Variants in ATP9B observed in about 807,000 individuals in gnomAD.
ATP9B encodes ATPase phospholipid transporting 9B.
A neutral mutation model predicts 146.1 loss-of-function variants in ATP9B; 110 were observed. That is an observed-to-expected ratio of 0.75 (90% CI 0.65 to 0.88). The LOEUF (loss-of-function observed/expected upper bound fraction) is 0.88. ATP9B is among the 40% of genes least tolerant of loss of function. The probability of loss-of-function intolerance (pLI) is 0.00; values close to 1 mark genes in which losing one functional copy is unlikely to be tolerated. For missense variants in ATP9B, 1,499 were observed against 1,496.4 expected, an observed-to-expected ratio of 1.00 and a Z score of -0.03; for synonymous variants, 604 against 569.7, an observed-to-expected ratio of 1.06 and a Z score of -0.86.
intron 1 of ATP9B, among the ~76,000 whole-genome samples, chr18:79,082,227 T>C (rs111961193): frequency 0.13 from 20,160 of 152,218 alleles, 1,944 homozygotes; most frequent in African/African-American, 0.27. Context: ...TTCATGAAGT[T>C]CTTGTGCTGT....
At chr18:79,205,118 C>G (rs1308450809) in intron 9 of ATP9B, among the ~76,000 whole-genome samples, 1 of 152,166 alleles carries the variant, frequency 6.6e-6, no homozygotes, top group Non-Finnish European at 1.5e-5. Context: ...CAGGACACTT[C>G]CTAACTACTG....
chr18:79,335,398 G>T (rs184532985), intron 17 of ATP9B, among the ~76,000 whole-genome samples: 1 of 152,302 alleles, frequency 6.6e-6, no homozygotes, highest in East Asian at 1.9e-4. Context: ...TTGTCCCAGA[G>T]AGCCTGTTTC....
At chr18:79,148,951 A>G (rs2094637550) in intron 6 of ATP9B, among the ~76,000 whole-genome samples, 1 of 152,218 alleles carries the variant, frequency 6.6e-6, no homozygotes, top group Non-Finnish European at 1.5e-5. Flanking sequence ...TTAAAAATGC[A>G]GTACTCTTAC....
intron 1 of ATP9B, among the ~76,000 whole-genome samples, chr18:79,084,164 T>C (rs1380694803): frequency 6.6e-6 from 1 of 151,940 alleles, no homozygotes; most frequent in African/African-American, 2.4e-5. Context: ...GCTCAGTTTT[T>C]TTTTTTGGAA....
chr18:79,344,021 C>G (rs910105618), intron 20 of ATP9B: 1 of 561,050 alleles, frequency 1.8e-6, no homozygotes, highest in Admixed American at 3.2e-5. Flanking sequence ...CCTCACTATA[C>G]GTTTCCTGCT....
chr18:79,110,804 GTAAA>G (rs1370917635), intron 3 of ATP9B, among the ~76,000 whole-genome samples: 1 of 152,150 alleles, frequency 6.6e-6, no homozygotes, highest in African/African-American at 2.4e-5. Flanking sequence ...TGAAGTAAAA[GTAAA>G]TAAAATTAAC....
In ATP9B at chr18:79,330,118, T is replaced by G; in HGVS notation, c.2028+14T>G. On this transcript the variant is annotated intron_variant, in intron 17 of 29. Transcript: ENST00000426216. Reference sequence around the variant, plus strand: ...CTGGAAGAGGAGGTATGTGAGTGACTCTAGCGTGGTTCACAGTGTTTCTAT... The same window carrying G: ...CTGGAAGAGGAGGTATGTGAGTGACGCTAGCGTGGTTCACAGTGTTTCTAT... The G allele has an allele frequency of 1.2e-6, 2 of 1,609,018 alleles. No individual in the cohort carries two copies. Among genetic ancestry groups the G allele is most frequent in the Non-Finnish European group, 1.7e-6 (2 of 1,175,522 alleles).
chr18:79,181,603 T>G (rs949459373), intron 8 of ATP9B, among the ~76,000 whole-genome samples: 19 of 152,180 alleles, frequency 1.2e-4, no homozygotes, highest in Non-Finnish European at 2.5e-4. Context: ...TCTCAGCCTT[T>G]TTTTTCCTTC....
chr18:79,329,929 T>G, intron 16 of ATP9B, 83 bp from the exon 17 acceptor site: 3 of 1,253,652 alleles, frequency 2.4e-6, no homozygotes, highest in Non-Finnish European at 3.5e-6. Flanking sequence ...GCTTTTTCCA[T>G]TGTATGTTTT....
At chr18:79,243,184 G>A (rs2095905907) in intron 11 of ATP9B, among the ~76,000 whole-genome samples, 1 of 152,192 alleles carries the variant, frequency 6.6e-6, no homozygotes, top group Non-Finnish European at 1.5e-5. Context: ...GCAGATGTGT[G>A]GGCGGAACAG....
chr18:79,156,005 A>G (rs1599988333), intron 7 of ATP9B, among the ~76,000 whole-genome samples: 1 of 151,740 alleles, frequency 6.6e-6, no homozygotes. Context: ...CTTGTGATCC[A>G]CCCACCTCGG....
intron 11 of ATP9B, among the ~76,000 whole-genome samples, chr18:79,220,087 A>G (rs1600593746): frequency 1.3e-5 from 2 of 152,290 alleles, no homozygotes; most frequent in Middle Eastern, 3.4e-3. Context: ...GCATGTGGAC[A>G]TGTAAGCAGA....
At chr18:79,199,259 C>G (rs2095443472) in intron 9 of ATP9B, among the ~76,000 whole-genome samples, 1 of 152,052 alleles carries the variant, frequency 6.6e-6, no homozygotes, top group East Asian at 1.9e-4. Flanking sequence ...TTTTACATAC[C>G]TATAACTTTA....
rs149000665 is a variant in ATP9B at position 79,222,995 on chromosome 18, A to G, written c.1107+8957A>G. ...TAATAATCAGTTACTCAGAGCAAGA[A>G]CATCAAGGATGAAATGATAATACAA... On this transcript the variant is annotated intron_variant, in intron 11 of 29. Transcript: ENST00000426216. 3.3e-3 allele frequency among the ~76,000 whole-genome samples: 509 copies of G among 152,346 alleles called. 1 individual carries two copies. The highest frequency in any genetic ancestry group is 0.012 in the African/African-American group (495 of 41,572).
rs760998248 is a variant in ATP9B, at chr18:79,347,824, A to T, written c.2737A>T (p.Ile913Leu). 6.8e-6 allele frequency: 11 copies of T among 1,613,274 alleles called. No homozygotes were observed. The highest frequency in any genetic ancestry group is 1.1e-5 in the South Asian group (1 of 91,040). Reference protein sequence around the residue: ...ADFSITQFRHIGRLLMVHGRN... With the variant: ...ADFSITQFRHLGRLLMVHGRN... Reference sequence around the variant, plus strand: ...CTTCTCCATCACGCAGTTCCGGCACATAGGCAGGCTGCTCATGGTGCACGG... The same window carrying T: ...CTTCTCCATCACGCAGTTCCGGCACTTAGGCAGGCTGCTCATGGTGCACGG... Residue 913 changes from isoleucine to leucine, a missense_variant, in exon 24 of 30, where the codon ATA becomes TTA. Ile to Leu is a conservative substitution (Grantham distance 5). Coordinates refer to ENST00000426216, the MANE Select transcript of ATP9B (RefSeq NM_198531.5).
chr18:79,320,459 C>T (rs534285320), intron 15 of ATP9B, among the ~76,000 whole-genome samples: 1 of 152,300 alleles, frequency 6.6e-6, no homozygotes, highest in South Asian at 2.1e-4. Flanking sequence ...GCACTCCACA[C>T]ACACCAGGGG....
chr18:79,125,509 T>G (rs2094269088), intron 4 of ATP9B, among the ~76,000 whole-genome samples: 1 of 152,220 alleles, frequency 6.6e-6, no homozygotes, highest in Admixed American at 6.5e-5. Context: ...GTGCTTTCAG[T>G]GGACATACAT....
chr18:79,131,955 G>A (rs1568242352), intron 5 of ATP9B, among the ~76,000 whole-genome samples: 2 of 152,196 alleles, frequency 1.3e-5, no homozygotes, highest in Non-Finnish European at 2.9e-5. Context: ...ATAGATGAGC[G>A]GAAGAAGGGA....
In ATP9B at chr18:79,337,219, G is replaced by A. The variant is rs186293673; in HGVS notation, c.2113-60G>A. On this transcript the variant is annotated intron_variant, in intron 18 of 29. Coordinates refer to ENST00000426216, the MANE Select transcript of ATP9B (RefSeq NM_198531.5). Reference sequence around the variant, plus strand: ...CCCACAGCCCATGCAGTCCAGCTCTGTGGAGTCCACACACAGCACGTACAC... The same window carrying A: ...CCCACAGCCCATGCAGTCCAGCTCTATGGAGTCCACACACAGCACGTACAC... The A allele has an allele frequency of 4.9e-5, 78 of 1,595,296 alleles. No individual in the cohort carries two copies. The African/African-American group carries it at 8.7e-4, about 18-fold the overall frequency.
Sources: allele counts gnomAD v4.1 joint callset (sites outside exome capture counted in the v4.1 genomes callset), GRCh38; gene constraint gnomAD v4.1.1; transcripts MANE v1.5; gene names NCBI Gene and HGNC (gene_info 2026-07-23, HGNC 2026-07-21).